Variants in KRAS observed in about 807,000 individuals in gnomAD.
KRAS encodes KRas proto-oncogene, GTPase.
A neutral mutation model predicts 21.0 loss-of-function variants in KRAS; 1 was observed. The ratio of observed to expected loss-of-function variants is 0.05; its 90% CI spans 0.02 to 0.23. The LOEUF is 0.23. Ranked by LOEUF, KRAS falls within the 10% of genes least tolerant of loss-of-function variation. The pLI is 1.00. For missense variants in KRAS, 107 were observed against 221.8 expected (o/e 0.48, Z 3.29); for synonymous variants, 67 against 72.5 (o/e 0.92, Z 0.39).
intron 2 of KRAS, among the ~76,000 whole-genome samples, chr12:25,232,900 G>A (rs1007092470): frequency 6.6e-6 from 1 of 152,110 alleles, no homozygotes; most frequent in Non-Finnish European, 1.5e-5. Flanking sequence ...TTTATCTAAA[G>A]TCATTCAAAT....
intron 4 of KRAS, among the ~76,000 whole-genome samples, chr12:25,211,884 T>G (rs900171057): frequency 1.3e-5 from 2 of 152,198 alleles, no homozygotes; most frequent in African/African-American, 4.8e-5. Context: ...TCCCACTCTC[T>G]AATATCATTA....
chr12:25,238,522 C>T (rs6487464), intron 2 of KRAS, among the ~76,000 whole-genome samples: 59,603 of 151,972 alleles, frequency 0.39, 11,850 homozygotes, highest in African/African-American at 0.46. Context: ...AATAATCTAA[C>T]GGTATCTGAA....
chr12:25,224,361 G>T (rs1951364271), intron 4 of KRAS, among the ~76,000 whole-genome samples: 1 of 151,936 alleles, frequency 6.6e-6, no homozygotes, highest in South Asian at 2.1e-4. Flanking sequence ...GATATTGATG[G>T]TCCTGACCCT....
Position 25,208,167 on chromosome 12 carries a change from T to TAAAA in KRAS, c.*1624_*1627dup. 1 of 221,340 alleles carries TAAAA rather than the reference T, an allele frequency of 4.5e-6. No individual in the cohort carries two copies. The highest frequency in any genetic ancestry group is 8.9e-6 in the Non-Finnish European group (1 of 112,034). The allele number at this position is 221,340 out of a possible 1,614,324, so 13.7% of individuals were successfully genotyped here. A position where few individuals can be genotyped will look rare whatever the true frequency, so the allele number is the denominator to read the frequency against. Reference sequence around the variant, plus strand: ...AAATGGAATATAAATTACATAGTTGTAAAAAAAAAAAACTAAGAGTTTGAG... The same window carrying TAAAA: ...AAATGGAATATAAATTACATAGTTGTAAAAAAAAAAAAAAAACTAAGAGTTTGAG... On this transcript the variant is annotated 3_prime_UTR_variant, in exon 5 of 5. Coordinates refer to ENST00000311936, the MANE Select transcript of KRAS (RefSeq NM_004985.5).
At chr12:25,240,359 TG>T (rs761325454) in intron 2 of KRAS, among the ~76,000 whole-genome samples, 4 of 152,208 alleles carry the variant, frequency 2.6e-5, no homozygotes, top group Non-Finnish European at 5.9e-5. Context: ...CCATGGGTAC[TG>T]CATCTACAGA....
intron 2 of KRAS, among the ~76,000 whole-genome samples, chr12:25,241,871 A>G (rs759522570): frequency 4.6e-5 from 7 of 152,196 alleles, no homozygotes; most frequent in Non-Finnish European, 1.0e-4. Context: ...ATTGATTACT[A>G]AAGATATATG....
rs561310361 is a variant in KRAS, at chr12:25,240,383, T to C, written c.111+4891A>G. Among the ~76,000 whole-genome samples the C allele has an allele frequency of 5.3e-5, 8 of 152,310 alleles. 1 individual carries two copies. The highest frequency in any genetic ancestry group is 1.4e-4 in the African/African-American group (6 of 41,572). Reference sequence around the variant, plus strand: ...CTGCATCTACAGATTCAACCAATTATGGATAAAAGATATTCTGAGGAAAAA... The same window carrying C: ...CTGCATCTACAGATTCAACCAATTACGGATAAAAGATATTCTGAGGAAAAA... On this transcript the variant is annotated intron_variant, in intron 2 of 4. Transcript: ENST00000311936.
intron 4 of KRAS, among the ~76,000 whole-genome samples, chr12:25,210,267 C>T (rs1951188547): frequency 6.6e-6 from 1 of 152,122 alleles, no homozygotes; most frequent in Admixed American, 6.5e-5. Flanking sequence ...TGTGTGTACA[C>T]TTAATTGTCC....
intron 4 of KRAS, 36 bp from the exon 5 acceptor site, chr12:25,209,947 T>TA: frequency 6.6e-7 from 1 of 1,518,346 alleles, no homozygotes; most frequent in South Asian, 1.2e-5. Context: ...TGTGAATATA[T>TA]ACGATGGCTT....
intron 4 of KRAS, among the ~76,000 whole-genome samples, chr12:25,219,041 C>A (rs1018842316): frequency 6.6e-6 from 1 of 151,536 alleles, no homozygotes; most frequent in African/African-American, 2.4e-5. Context: ...CGGGTTCAAG[C>A]GATTCTCCTG....
At chr12:25,235,154 T>C in intron 2 of KRAS, 1 of 488,734 alleles carries the variant, frequency 2.0e-6, no homozygotes, top group South Asian at 3.3e-5. Flanking sequence ...ACTCGGGGAT[T>C]TCCTCTTGAA....
At chr12:25,234,229 TAC>T (rs1051005744) in intron 2 of KRAS, 10 of 173,950 alleles carry the variant, frequency 5.7e-5, no homozygotes, top group African/African-American at 2.1e-4. Context: ...ACCAAAACAA[TAC>T]ACACAGAGAT....
chr12:25,244,454 G>T (rs1472789155), intron 2 of KRAS, among the ~76,000 whole-genome samples: 2 of 152,092 alleles, frequency 1.3e-5, no homozygotes, highest in Non-Finnish European at 2.9e-5. Flanking sequence ...TTCTGAAAAT[G>T]AGTTAACAAG....
At chr12:25,250,514 C>A (rs1951752749) in intron 1 of KRAS, among the ~76,000 whole-genome samples, 1 of 152,144 alleles carries the variant, frequency 6.6e-6, no homozygotes, top group Non-Finnish European at 1.5e-5. Flanking sequence ...CGGCGACCGC[C>A]TCCAGCCTCA....
intron 2 of KRAS, among the ~76,000 whole-genome samples, chr12:25,243,642 C>T (rs11047917): frequency 0.05 from 7,551 of 152,248 alleles, 273 homozygotes; most frequent in East Asian, 0.099. Context: ...CTCAGATTTT[C>T]AGGGAAGACA....
chr12:25,216,526 T>C (rs898131867), intron 4 of KRAS, among the ~76,000 whole-genome samples: 5 of 152,144 alleles, frequency 3.3e-5, no homozygotes, highest in African/African-American at 1.2e-4. Context: ...CCGCCCACCT[T>C]GGCCTCCTAA....
intron 4 of KRAS, among the ~76,000 whole-genome samples, chr12:25,214,009 C>G (rs1440595364): frequency 6.6e-6 from 1 of 152,096 alleles, no homozygotes; most frequent in Non-Finnish European, 1.5e-5. Flanking sequence ...AGGAATGAAA[C>G]AGAAGAGGTT....
At chr12:25,241,284 A>C (rs1376350810) in intron 2 of KRAS, among the ~76,000 whole-genome samples, 1 of 152,260 alleles carries the variant, frequency 6.6e-6, no homozygotes, top group African/African-American at 2.4e-5. Context: ...ATATTTATAA[A>C]TTGATGCCAC....
chr12:25,230,306 G>T (rs1186904067), intron 2 of KRAS, among the ~76,000 whole-genome samples: 1 of 152,058 alleles, frequency 6.6e-6, no homozygotes, highest in Admixed American at 6.5e-5. Context: ...TGTTATAAAG[G>T]TTATGTCTTT....
Sources: gnomAD v4.1 joint callset for allele counts (sites outside exome capture counted in the v4.1 genomes callset) on GRCh38, gnomAD v4.1.1 for gene constraint, MANE v1.5 for transcripts, NCBI Gene and HGNC (gene_info 2026-07-23, HGNC 2026-07-21) for gene names.